Variants in UBAP2 observed in about 807,000 individuals in gnomAD.
UBAP2 encodes the protein ubiquitin-associated protein 2.
A neutral mutation model predicts 139.6 loss-of-function variants in UBAP2; 75 were observed. The ratio of observed to expected loss-of-function variants is 0.54; its 90% CI spans 0.45 to 0.65. The LOEUF is 0.65. Among genes scored for constraint, UBAP2 ranks in the 30% least tolerant of loss-of-function variants. The pLI is 0.00. For missense variants in UBAP2, 1,368 were observed against 1,369.6 expected, an observed-to-expected ratio of 1.00 and a Z score of 0.02; for synonymous variants, 526 against 526.2, an observed-to-expected ratio of 1.00 and a Z score of 0.01.
chr9:33,952,963 G>T, intron 12 of UBAP2: 1 of 180,640 alleles, frequency 5.5e-6, no homozygotes, highest in Non-Finnish European at 1.2e-5. Flanking sequence ...TCAAACTCCT[G>T]GGCACAAGTG....
intron 19 of UBAP2, 45 bp from the exon 20 acceptor site, chr9:33,928,037 G>A (rs773029809): frequency 6.4e-7 from 1 of 1,570,050 alleles, no homozygotes; most frequent in Admixed American, 1.8e-5. Flanking sequence ...AGGCAGAGGA[G>A]GAGGGTGCTG....
intron 6 of UBAP2, among the ~76,000 whole-genome samples, chr9:33,979,112 GCAGTC>G (rs1820413233): frequency 6.6e-6 from 1 of 152,096 alleles, no homozygotes; most frequent in Non-Finnish European, 1.5e-5. Context: ...ATGTGCACCT[GCAGTC>G]CTATCTACTC....
chr9:34,042,250 G>C (rs1378204443), intron 1 of UBAP2, among the ~76,000 whole-genome samples: 1 of 151,554 alleles, frequency 6.6e-6, no homozygotes, highest in African/African-American at 2.4e-5. Flanking sequence ...GAGCTCAGGT[G>C]GGCGGATCAT....
chr9:33,925,910 C>A (rs994869649), intron 22 of UBAP2, among the ~76,000 whole-genome samples: 1 of 152,212 alleles, frequency 6.6e-6, no homozygotes, highest in Non-Finnish European at 1.5e-5. Context: ...ACAGTGGCTC[C>A]CAGGAGGAAG....
At chr9:34,029,515 G>A (rs933988714) in intron 1 of UBAP2, among the ~76,000 whole-genome samples, 4 of 149,062 alleles carry the variant, frequency 2.7e-5, no homozygotes, top group African/African-American at 9.9e-5. Flanking sequence ...GACAACAAGA[G>A]CAAAACTTCT....
chr9:33,974,670 G>C (rs976599907), intron 6 of UBAP2, among the ~76,000 whole-genome samples: 1 of 152,028 alleles, frequency 6.6e-6, no homozygotes, highest in Non-Finnish European at 1.5e-5. Context: ...AATGGGCAAC[G>C]GCCAGGCCCG....
At chr9:34,035,185 C>G (rs1396756285) in intron 1 of UBAP2, among the ~76,000 whole-genome samples, 1 of 151,934 alleles carries the variant, frequency 6.6e-6, no homozygotes, top group Non-Finnish European at 1.5e-5. Context: ...TGTTCTCATT[C>G]TTTCATCTGT....
intron 13 of UBAP2, among the ~76,000 whole-genome samples, chr9:33,947,798 C>T (rs1825760438): frequency 6.6e-6 from 1 of 150,458 alleles, no homozygotes; most frequent in Non-Finnish European, 1.5e-5. Context: ...GTACTCCAGC[C>T]TGTGCAACAG....
At chr9:33,950,733 T>C (rs1826027263) in intron 12 of UBAP2, among the ~76,000 whole-genome samples, 1 of 152,236 alleles carries the variant, frequency 6.6e-6, no homozygotes, top group African/African-American at 2.4e-5. Flanking sequence ...ATCCCTAACA[T>C]GCATCAGCTA....
At chr9:33,925,098 G>A (rs1390527242) in intron 22 of UBAP2, among the ~76,000 whole-genome samples, 4 of 152,096 alleles carry the variant, frequency 2.6e-5, no homozygotes, top group Non-Finnish European at 5.9e-5. Flanking sequence ...GAGGAGGGGA[G>A]GTCTGACCTG....
chr9:33,986,716 T>C (rs768163891), intron 6 of UBAP2, 44 bp downstream of exon 6: 4 of 1,535,272 alleles, frequency 2.6e-6, no homozygotes, highest in East Asian at 2.2e-5. Flanking sequence ...GCCTGCTTCT[T>C]CCCCCTAATT....
chr9:34,018,896 A>T (rs1458463980), intron 1 of UBAP2, among the ~76,000 whole-genome samples: 5 of 152,034 alleles, frequency 3.3e-5, no homozygotes, highest in South Asian at 2.1e-4. Flanking sequence ...AATAAAAAAT[A>T]AATTAATTAA....
At chr9:33,971,870 A>C in intron 7 of UBAP2, 116 bp from the exon 8 acceptor site, 2 of 640,460 alleles carry the variant, frequency 3.1e-6, no homozygotes, top group South Asian at 3.6e-5. Context: ...AGCCACTGTA[A>C]AAGACATCAC....
chr9:33,973,123 A>G (rs1296573167), intron 7 of UBAP2, 60 bp downstream of exon 7: 7 of 1,479,680 alleles, frequency 4.7e-6, no homozygotes, highest in Non-Finnish European at 6.6e-6. Context: ...TATTAGAAGC[A>G]ACTGCAGAAT....
chr9:33,938,204 G>C (rs1158435628), intron 16 of UBAP2, among the ~76,000 whole-genome samples: 1 of 152,012 alleles, frequency 6.6e-6, no homozygotes, highest in East Asian at 1.9e-4. Context: ...ATGTTGTCCA[G>C]TCTGGTTGTG....
chr9:33,940,115 C>T (rs1238017780), intron 16 of UBAP2, among the ~76,000 whole-genome samples: 1 of 151,752 alleles, frequency 6.6e-6, no homozygotes, highest in Non-Finnish European at 1.5e-5. Context: ...AAGGCCACGA[C>T]GACAAGATTC....
chr9:33,981,230 T>C (rs1315624070), intron 6 of UBAP2, among the ~76,000 whole-genome samples: 1 of 106,064 alleles, frequency 9.4e-6, no homozygotes, highest in Non-Finnish European at 1.8e-5. Flanking sequence ...ATTCTGGATA[T>C]ATATATATAT....
At chr9:33,935,996 T>C in intron 16 of UBAP2, 118 bp from the exon 17 acceptor site, 1 of 1,062,968 alleles carries the variant, frequency 9.4e-7, no homozygotes, top group East Asian at 2.8e-5. Flanking sequence ...TCTTTTATTC[T>C]ATTTTTTAAT....
intron 16 of UBAP2, chr9:33,938,781 G>A (rs1824819931): frequency 2.7e-6 from 1 of 373,434 alleles, no homozygotes; most frequent in Non-Finnish European, 5.0e-6. Flanking sequence ...GGGCAACAGA[G>A]CAAGACTCCA....
Sources: allele counts gnomAD v4.1 joint callset (sites outside exome capture counted in the v4.1 genomes callset), GRCh38; gene constraint gnomAD v4.1.1; transcripts MANE v1.5; gene names NCBI Gene and HGNC (gene_info 2026-07-23, HGNC 2026-07-21).